The following EP400 variants were observed in gnomAD, a reference collection of about 807,000 sequenced individuals.
The protein encoded by EP400 is E1A-binding protein p400.
Under a neutral mutation model 354.1 loss-of-function variants are expected in EP400, and 105 were observed. The ratio of observed to expected loss-of-function variants is 0.30; its 90% CI spans 0.25 to 0.35. EP400 has a LOEUF of 0.35. Ranked by LOEUF, EP400 falls within the 10% of genes least tolerant of loss-of-function variation. EP400 has a pLI of 1.00. For missense variants in EP400, 3,280 were observed against 4,121.0 expected (o/e 0.80, Z 5.59); for synonymous variants, 1,646 against 1,716.9 (o/e 0.96, Z 1.02).
chr12:132,057,285 T>A (rs1490072725), intron 45 of EP400, among the ~76,000 whole-genome samples: 1 of 152,228 alleles, frequency 6.6e-6, no homozygotes, highest in African/African-American at 2.4e-5. Flanking sequence ...GTGAATGGGC[T>A]GATAAACCAT....
intron 12 of EP400, among the ~76,000 whole-genome samples, chr12:131,998,100 A>C (rs1893278181): frequency 6.6e-6 from 1 of 152,154 alleles, no homozygotes; most frequent in Admixed American, 6.6e-5. Context: ...GTTTCCTTCT[A>C]TGCATGGCTC....
intron 16 of EP400, among the ~76,000 whole-genome samples, chr12:132,011,973 G>A (rs1479796018): frequency 6.6e-6 from 1 of 152,222 alleles, no homozygotes; most frequent in Non-Finnish European, 1.5e-5. Flanking sequence ...CACAGGCACA[G>A]AGGAGAAGCT....
chr12:132,056,425 G>GCACACACACACA (rs10660680), intron 45 of EP400, among the ~76,000 whole-genome samples: 2 of 148,610 alleles, frequency 1.3e-5, no homozygotes, highest in African/African-American at 4.9e-5. Context: ...CACAACACAC[G>GCACACACACACA]CACACACACA....
chr12:131,996,017 A>G (rs1409976535), intron 12 of EP400, among the ~76,000 whole-genome samples: 2 of 152,242 alleles, frequency 1.3e-5, no homozygotes, highest in Non-Finnish European at 2.9e-5. Context: ...CCACAGTTTG[A>G]TGGGCTTGCT....
At chr12:132,048,773 C>T (rs991258897) in intron 39 of EP400, among the ~76,000 whole-genome samples, 10 of 152,128 alleles carry the variant, frequency 6.6e-5, no homozygotes, top group African/African-American at 2.4e-4. Flanking sequence ...TAGTCTCGAT[C>T]TCCTGACCTC....
At chr12:132,045,278 T>C (rs760377533) in intron 37 of EP400, 41 bp from the exon 38 acceptor site, 10 of 1,608,208 alleles carry the variant, frequency 6.2e-6, no homozygotes, top group Non-Finnish European at 7.6e-6. Context: ...GTGTGGAATC[T>C]CCTGGTTTAC....
At chr12:131,968,066 TTAAGAC>T (rs2136474235) in intron 2 of EP400, among the ~76,000 whole-genome samples, 1 of 152,320 alleles carries the variant, frequency 6.6e-6, no homozygotes, top group South Asian at 2.1e-4. Flanking sequence ...TTTTCTTCTC[TTAAGAC>T]TATCTTTTTC....
rs750785674 is a variant in EP400 at position 132,013,517 on chromosome 12, G to A, written c.3639G>A (p.Ser1213=). The change falls in exon 18 of 53, where the codon TCG becomes TCA. Residue 1213 remains serine (S), a synonymous_variant. Transcript: ENST00000389561. This position sits in a 1 kb window ranked among gnomAD's most constrained non-coding sequence, Gnocchi z 4.5. Reference sequence around the variant, plus strand: ...AACAACGTCTGCTTCTGATCGACTCGCCGCTGCACAATACCTTCCTGGAGC... The same window carrying A: ...AACAACGTCTGCTTCTGATCGACTCACCGCTGCACAATACCTTCCTGGAGC... ...QSQQRLLLID[S]PLHNTFLELW... The A allele has an allele frequency of 1.5e-4, 237 of 1,584,720 alleles. No homozygotes were observed. Among genetic ancestry groups the A allele is most frequent in the Non-Finnish European group, 1.9e-4 (225 of 1,164,646 alleles).
chr12:131,983,448 A>G (rs927740567), intron 5 of EP400, among the ~76,000 whole-genome samples: 9 of 152,186 alleles, frequency 5.9e-5, no homozygotes, highest in African/African-American at 2.2e-4. Context: ...TGTTTTTGGG[A>G]TGTCCACAGT....
At chr12:131,974,932 T>C (rs1197388813) in intron 2 of EP400, among the ~76,000 whole-genome samples, 1 of 144,552 alleles carries the variant, frequency 6.9e-6, no homozygotes, top group Non-Finnish European at 1.5e-5. Flanking sequence ...AGAGGTTGCA[T>C]TGAGCAGGGC....
chr12:132,018,204 C>G lies in EP400; in HGVS notation c.4111-6C>G, dbSNP rs749680026. 1.2e-6 allele frequency: 2 copies of G among 1,603,808 alleles called. No homozygotes were observed. The highest frequency in any genetic ancestry group is 1.1e-5 in the South Asian group (1 of 88,826). On this transcript the variant is annotated splice_polypyrimidine_tract_variant and splice_region_variant and intron_variant, in intron 20 of 52. Transcript: ENST00000389561. The surrounding 1 kb of genome is among the most constrained non-coding windows in gnomAD (Gnocchi z 4.0). Reference sequence around the variant, plus strand: ...GCAGCAAGACTTTTTTTCTTTTTCTCTCTAGGAAGCAGATCTTTCTATGTT... The same window carrying G: ...GCAGCAAGACTTTTTTTCTTTTTCTGTCTAGGAAGCAGATCTTTCTATGTT...
At chr12:132,032,449 A>G (rs1055102761) in intron 30 of EP400, among the ~76,000 whole-genome samples, 2 of 152,198 alleles carry the variant, frequency 1.3e-5, no homozygotes, top group Non-Finnish European at 2.9e-5. Flanking sequence ...TGCTCACACA[A>G]GTCATCTTGC....
At chr12:132,031,643 C>T (rs920988859) in intron 29 of EP400, among the ~76,000 whole-genome samples, 2 of 152,188 alleles carry the variant, frequency 1.3e-5, no homozygotes, top group East Asian at 3.8e-4. Context: ...ACTGCAGGCT[C>T]CTCCCGGGTT....
At position 132,013,307 on chromosome 12, in the gene EP400, C is replaced by T; in HGVS notation, c.3611+129C>T. 1 of 1,423,548 alleles carries T rather than the reference C, an allele frequency of 7.0e-7. No homozygotes were observed. The highest frequency in any genetic ancestry group is 9.4e-7 in the Non-Finnish European group (1 of 1,065,848). The allele number at this position is 1,423,548 out of a possible 1,614,324, so 88.2% of individuals were successfully genotyped here. ...CTAGAGAATTGCTTTTCATCTTCAT[C>T]CCAGCACATGGGCCAGAGAGCCCCA... On this transcript the variant is annotated intron_variant, in intron 17 of 52. Transcript: ENST00000389561. This position sits in a 1 kb window ranked among gnomAD's most constrained non-coding sequence, Gnocchi z 4.5.
intron 2 of EP400, among the ~76,000 whole-genome samples, chr12:131,962,432 A>G (rs1023329026): frequency 2.0e-5 from 3 of 152,200 alleles, no homozygotes; most frequent in African/African-American, 7.2e-5. Context: ...TGGTTTTCAA[A>G]CAGATTTAAG....
At position 132,053,161 on chromosome 12, in the gene EP400, C is replaced by T; in HGVS notation, c.7410C>T (p.Asp2470=). ...TGTCTTTCAGTGGAATCAACTATGA[C>T]AAGCCGCTGCCTCCCATCCAGGTGG... ...SVLAESGINY[D]KPLPPIQVAS... Residue 2470 remains aspartate (D), a synonymous_variant, in exon 42 of 53, where the codon GAC becomes GAT. Transcript: ENST00000389561. 3 of 1,614,052 alleles carry T rather than the reference C, an allele frequency of 1.9e-6. No homozygotes were observed. The highest frequency in any genetic ancestry group is 2.2e-5 in the East Asian group (1 of 44,882).
In EP400 at chr12:131,961,494, T is replaced by C. The variant is rs1593310530; in HGVS notation, c.875T>C (p.Leu292Pro). ...VLQGPPLPRP[L>P]GFERTPGVLL... ...CAGGGGCCGCCGCTGCCCCGGCCCC[T>C]GGGCTTCGAGAGGACACCCGGCGTG... Residue 292 changes from leucine to proline, a missense_variant, in exon 2 of 53, where the codon CTG becomes CCG. Leu to Pro is a moderately conservative substitution (Grantham distance 98). Around this residue, in one of 20 missense-constraint regions of EP400, gnomAD observed 85 missense variants for 180.3 expected, o/e 0.47. Coordinates refer to ENST00000389561, the MANE Select transcript of EP400 (RefSeq NM_015409.5). 2 of 1,574,866 alleles carry C rather than the reference T, an allele frequency of 1.3e-6. No individual in the cohort carries two copies. The highest frequency in any genetic ancestry group is 1.7e-6 in the Non-Finnish European group (2 of 1,159,362).
chr12:131,968,995 C>T (rs934452199), intron 2 of EP400, among the ~76,000 whole-genome samples: 1 of 151,686 alleles, frequency 6.6e-6, no homozygotes, highest in Non-Finnish European at 1.5e-5. Flanking sequence ...GCAAATAGAG[C>T]AGGATTTTTT....
intron 11 of EP400, among the ~76,000 whole-genome samples, chr12:131,993,040 C>G (rs995369512): frequency 2.0e-5 from 3 of 152,214 alleles, no homozygotes; most frequent in African/African-American, 7.2e-5. Flanking sequence ...AGAAACAAAA[C>G]AACAGTGTGG....
Sources: gnomAD v4.1 joint callset for allele counts (sites outside exome capture counted in the v4.1 genomes callset) on GRCh38, gnomAD v4.1.1 for gene constraint, gnomAD v4.1.1 regional missense constraint, Gnocchi (gnomAD v3.1) non-coding constraint, MANE v1.5 for transcripts, NCBI Gene and HGNC (gene_info 2026-07-23, HGNC 2026-07-21) for gene names.